The following USP32 variants were observed in gnomAD, a reference collection of about 807,000 sequenced individuals.
USP32 encodes ubiquitin carboxyl-terminal hydrolase 32.
Under a neutral mutation model 204.8 loss-of-function variants are expected in USP32, and 59 were observed. That is an observed-to-expected ratio of 0.29 (90% CI 0.23 to 0.36). The LOEUF (loss-of-function observed/expected upper bound fraction) is 0.36, where lower values mean the gene tolerates loss of function less well. Ranked by LOEUF, USP32 falls within the 10% of genes least tolerant of loss-of-function variation. The pLI, the probability that USP32 is intolerant of heterozygous loss-of-function variation, is 1.00. For missense variants in USP32, 1,160 were observed against 1,946.4 expected (o/e 0.60, Z 7.60); for synonymous variants, 517 against 678.4 (o/e 0.76, Z 3.70).
chr17:60,207,810 C>G, intron 24 of USP32: 1 of 427,272 alleles, frequency 2.3e-6, no homozygotes, highest in Non-Finnish European at 4.0e-6. Context: ...AGCTAGAACA[C>G]TCCATATAGG....
At chr17:60,340,092 G>A (rs185797984) in intron 2 of USP32, among the ~76,000 whole-genome samples, 2 of 152,112 alleles carry the variant, frequency 1.3e-5, no homozygotes, top group East Asian at 3.9e-4. Context: ...CTCTCCATAG[G>A]ATTTTTTTTT....
At chr17:60,340,380 C>T (rs1274797757) in intron 2 of USP32, among the ~76,000 whole-genome samples, 2 of 152,158 alleles carry the variant, frequency 1.3e-5, no homozygotes, top group African/African-American at 2.4e-5. Context: ...GAGTTCAAAA[C>T]CAGCCTGGGC....
At chr17:60,416,328 G>A (rs773808261) in intron 1 of USP32, among the ~76,000 whole-genome samples, 8 of 152,114 alleles carry the variant, frequency 5.3e-5, no homozygotes, top group Non-Finnish European at 8.8e-5. Flanking sequence ...CAAGAATTTC[G>A]TGAGTTCCAT....
chr17:60,187,108 G>C (rs2084270440), intron 29 of USP32, among the ~76,000 whole-genome samples: 2 of 152,120 alleles, frequency 1.3e-5, no homozygotes, highest in South Asian at 2.1e-4. Context: ...TGAAACTCAT[G>C]ATGGGAACAT....
chr17:60,183,082 A>G, intron 31 of USP32, 83 bp downstream of exon 31: 1 of 1,492,840 alleles, frequency 6.7e-7, no homozygotes, highest in Non-Finnish European at 8.9e-7. Flanking sequence ...AACCAACCTG[A>G]TGTTCCAGAA....
chr17:60,318,731 T>C (rs1333307683), intron 2 of USP32, among the ~76,000 whole-genome samples: 1 of 152,218 alleles, frequency 6.6e-6, no homozygotes, highest in Non-Finnish European at 1.5e-5. Flanking sequence ...AAAATTTTAC[T>C]GAATTAATGA....
At chr17:60,385,142 C>G (rs767045969) in intron 1 of USP32, among the ~76,000 whole-genome samples, 4 of 152,190 alleles carry the variant, frequency 2.6e-5, no homozygotes, top group Non-Finnish European at 5.9e-5. Flanking sequence ...CTTAACTGAG[C>G]GATTAACTTT....
intron 1 of USP32, among the ~76,000 whole-genome samples, chr17:60,368,453 A>T (rs1266825148): frequency 6.6e-6 from 1 of 152,180 alleles, no homozygotes; most frequent in African/African-American, 2.4e-5. Context: ...TCTCTACTAG[A>T]GGAAAATCTT....
chr17:60,378,419 A>G (rs1341884565), intron 1 of USP32, among the ~76,000 whole-genome samples: 1 of 152,184 alleles, frequency 6.6e-6, no homozygotes, highest in Non-Finnish European at 1.5e-5. Context: ...TAGAATTACC[A>G]TATGACCCAG....
At position 60,294,695 on chromosome 17, in the gene USP32, C is replaced by T. The variant is rs2087381474; in HGVS notation, c.399G>A (p.Lys133=). 1.9e-6 allele frequency: 3 copies of T among 1,607,334 alleles called. No individual in the cohort carries two copies. Among genetic ancestry groups the T allele is most frequent in the African/African-American group, 1.3e-5 (1 of 74,860 alleles). The change falls in exon 4 of 34, where the codon AAG becomes AAA. Residue 133 remains lysine, a synonymous_variant. Coordinates refer to ENST00000300896, the MANE Select transcript of USP32 (RefSeq NM_032582.4). The part of the protein sequence containing the change: ...VDGKVPDTLR[K]CFSEGEKVNY... ...TCTTTAACTATACCTCTGAGAAACA[C>T]TTCCTGAGTGTATCTGGGACTTTAC...
At chr17:60,343,971 T>G (rs1158081266) in intron 2 of USP32, among the ~76,000 whole-genome samples, 1 of 151,518 alleles carries the variant, frequency 6.6e-6, no homozygotes, top group Non-Finnish European at 1.5e-5. Flanking sequence ...GAGGCGAAAC[T>G]TGCCATGAGC....
At chr17:60,327,096 T>C (rs1468947709) in intron 2 of USP32, among the ~76,000 whole-genome samples, 1 of 152,284 alleles carries the variant, frequency 6.6e-6, no homozygotes, top group South Asian at 2.1e-4. Context: ...AACAATTGGT[T>C]GTATATTTTC....
intron 5 of USP32, among the ~76,000 whole-genome samples, chr17:60,284,904 C>T (rs2087070984): frequency 6.6e-6 from 1 of 152,128 alleles, no homozygotes; most frequent in Non-Finnish European, 1.5e-5. Flanking sequence ...CCTTTGATGT[C>T]TCCTCTTTGT....
At chr17:60,274,083 C>T (rs1480210276) in intron 5 of USP32, among the ~76,000 whole-genome samples, 1 of 148,988 alleles carries the variant, frequency 6.7e-6, no homozygotes, top group Non-Finnish European at 1.5e-5. Context: ...TAAAGAAAAA[C>T]ATGCCTATAC....
intron 11 of USP32, among the ~76,000 whole-genome samples, chr17:60,246,704 A>T (rs7216914): frequency 0.21 from 32,334 of 152,138 alleles, 8,480 homozygotes; most frequent in African/African-American, 0.62. Context: ...CATCAGAATC[A>T]GTTATTCTTT....
At position 60,335,311 on chromosome 17, in the gene USP32, T is replaced by C. The variant is rs79483098; in HGVS notation, c.186+10170A>G. ...CCTGAGTCCCTGCAAATATTAAGTA[T>C]GTGTCTGTCTTTCTTCATCCAAACA... is the stretch of plus-strand genomic sequence containing the variant. On this transcript the variant is annotated intron_variant, in intron 2 of 33. Coordinates refer to ENST00000300896, the MANE Select transcript of USP32 (RefSeq NM_032582.4). Among the ~76,000 whole-genome samples, 349 of 142,674 alleles carry C rather than the reference T, an allele frequency of 2.4e-3. 20 individuals are homozygous for C. The highest frequency in any genetic ancestry group is 3.1e-3 in the Non-Finnish European group (212 of 67,714). The allele number at this position is 142,674 out of a possible 152,430, so 93.6% of individuals were successfully genotyped here. A position where few individuals can be genotyped will look rare whatever the true frequency, so the allele number is the denominator to read the frequency against.
intron 5 of USP32, among the ~76,000 whole-genome samples, chr17:60,277,933 T>G (rs1195044192): frequency 6.6e-6 from 1 of 151,236 alleles, no homozygotes; most frequent in Non-Finnish European, 1.5e-5. Context: ...TTTTTTTTTT[T>G]TTGAAGAGAC....
intron 1 of USP32, among the ~76,000 whole-genome samples, chr17:60,347,978 C>T (rs2088830812): frequency 6.6e-6 from 1 of 151,788 alleles, no homozygotes; most frequent in South Asian, 2.1e-4. Flanking sequence ...AAAAATTAGC[C>T]AGGCCTGGTG....
rs1474029383 is a variant in USP32, at chr17:60,184,665, CG to C, written c.3834+794del. Among the ~76,000 whole-genome samples the C allele has an allele frequency of 2.6e-5, 4 of 151,882 alleles. No individual in the cohort carries two copies. The East Asian group carries it at 7.7e-4, about 29-fold the overall frequency. ...ATCTACTAAAAGTACAAAAATTAGC[CG>C]GGTGGTAGTGGTGCATGCCTGTAAT... On this transcript the variant is annotated intron_variant, in intron 30 of 33. Transcript: ENST00000300896.
Sources: gnomAD v4.1 joint callset for allele counts (sites outside exome capture counted in the v4.1 genomes callset) on GRCh38, gnomAD v4.1.1 for gene constraint, MANE v1.5 for transcripts, NCBI Gene and HGNC (gene_info 2026-07-23, HGNC 2026-07-21) for gene names.